The following CCDC39 variants were observed in gnomAD, a reference collection of about 807,000 sequenced individuals.
CCDC39 encodes the protein coiled-coil domain 39 molecular ruler complex subunit, also known as coiled-coil domain-containing protein 39.
A neutral mutation model predicts 121.0 loss-of-function variants in CCDC39; 113 were observed. The observed-to-expected ratio is 0.93, with a 90% CI of 0.80 to 1.09. The LOEUF (loss-of-function observed/expected upper bound fraction) is 1.09. CCDC39 is among the 50% of genes least tolerant of loss of function. The probability of loss-of-function intolerance (pLI) is 0.00; values close to 1 mark genes in which losing one functional copy is unlikely to be tolerated. For missense variants in CCDC39, 1,063 were observed against 1,074.7 expected (o/e 0.99, Z 0.15); for synonymous variants, 349 against 352.2 (o/e 0.99, Z 0.10).
chr3:180,618,643 T>C (rs1235465030), intron 16 of CCDC39, among the ~76,000 whole-genome samples: 2 of 151,804 alleles, frequency 1.3e-5, no homozygotes, highest in Non-Finnish European at 2.9e-5. Context: ...CACCTACGAG[T>C]GAGAATATGA....
intron 13 of CCDC39, among the ~76,000 whole-genome samples, chr3:180,635,048 G>T (rs1442045247): frequency 6.6e-6 from 1 of 152,170 alleles, no homozygotes; most frequent in Non-Finnish European, 1.5e-5. Flanking sequence ...AGTTCCACAT[G>T]TCTGGGGAGG....
At chr3:180,619,783 G>A (rs769849329) in intron 15 of CCDC39, 28 bp downstream of exon 15, 7 of 1,375,368 alleles carry the variant, frequency 5.1e-6, no homozygotes, top group Non-Finnish European at 7.0e-6. Context: ...CTGTATATAT[G>A]TATAAAAAAA....
chr3:180,617,445 C>A, intron 16 of CCDC39: 1 of 685,206 alleles, frequency 1.5e-6, no homozygotes, highest in Non-Finnish European at 2.7e-6. Context: ...AGGAGATATT[C>A]CAGAAGAGGG....
Position 180,644,265 on chromosome 3 carries a change from AAAG to A in CCDC39, c.1528-11_1528-9del. 1 of 1,486,450 alleles carries A rather than the reference AAAG, an allele frequency of 6.7e-7. No homozygotes were observed. Among genetic ancestry groups the A allele is most frequent in the South Asian group, 1.3e-5 (1 of 76,244 alleles). The allele number at this position is 1,486,450 out of a possible 1,614,324, so 92.1% of individuals were successfully genotyped here. On this transcript the variant is annotated splice_polypyrimidine_tract_variant and intron_variant, in intron 11 of 19. Coordinates refer to ENST00000476379, the MANE Select transcript of CCDC39 (RefSeq NM_181426.2). ...GATAAAATAAAGATCATTCTGCAAA[AAAG>A]AAAAAAGGTATATAAATGTATGTTT...
intron 1 of CCDC39, among the ~76,000 whole-genome samples, chr3:180,676,302 AAAAC>A (rs1456433126): frequency 2.0e-5 from 3 of 152,234 alleles, no homozygotes; most frequent in Non-Finnish European, 4.4e-5. Flanking sequence ...TTACAAGAGA[AAAAC>A]AAACAACCCC....
intron 13 of CCDC39, among the ~76,000 whole-genome samples, chr3:180,632,580 A>C (rs572938158): frequency 3.3e-5 from 5 of 152,202 alleles, no homozygotes; most frequent in Non-Finnish European, 7.3e-5. Context: ...GCTGGACTTC[A>C]AGATTGTGGA....
intron 14 of CCDC39, among the ~76,000 whole-genome samples, chr3:180,629,590 A>G (rs1251355550): frequency 6.6e-6 from 1 of 152,144 alleles, no homozygotes; most frequent in Non-Finnish European, 1.5e-5. Flanking sequence ...TCAGGCCATA[A>G]TTTTTCCTGA....
chr3:180,661,279 A>G (rs993180676), intron 3 of CCDC39, among the ~76,000 whole-genome samples: 2 of 152,054 alleles, frequency 1.3e-5, no homozygotes, highest in African/African-American at 4.8e-5. Context: ...AAAAAAACAG[A>G]GACAACTATA....
rs1343761577 is a variant in CCDC39, at chr3:180,659,781, T to G, written c.517-12A>C. 1 of 1,534,414 alleles carries G rather than the reference T, an allele frequency of 6.5e-7. No individual in the cohort carries two copies. The highest frequency in any genetic ancestry group is 9.0e-7 in the Non-Finnish European group (1 of 1,116,176). ...TGCAGAGTCAGTGCCTATGATGTAATTATATACAGATACTTATAATTCTCA... is the reference window on the plus strand; with the variant it reads ...TGCAGAGTCAGTGCCTATGATGTAAGTATATACAGATACTTATAATTCTCA... On this transcript the variant is annotated splice_polypyrimidine_tract_variant and intron_variant, in intron 4 of 19. Coordinates refer to ENST00000476379, the MANE Select transcript of CCDC39 (RefSeq NM_181426.2).
In CCDC39 at chr3:180,616,780, T is replaced by C. The variant is rs369901855; in HGVS notation, c.2406+46A>G. 1.1e-5 allele frequency: 18 copies of C among 1,590,976 alleles called. No individual in the cohort carries two copies. In the African/African-American group the frequency reaches 2.0e-4, roughly 18 times the overall value. On this transcript the variant is annotated intron_variant, in intron 17 of 19. Coordinates refer to ENST00000476379, the MANE Select transcript of CCDC39 (RefSeq NM_181426.2). ...AATAGATGAAGGAGGATTTGGGACT[T>C]CAAAAATGTAAATATGAAAGGTCAG...
chr3:180,665,579 T>A (rs1711854185), intron 1 of CCDC39, among the ~76,000 whole-genome samples: 1 of 152,078 alleles, frequency 6.6e-6, no homozygotes, highest in South Asian at 2.1e-4. Context: ...CTGTTCTTTT[T>A]TTAAAAAGTT....
At chr3:180,661,027 A>T (rs1219838902) in intron 3 of CCDC39, among the ~76,000 whole-genome samples, 1 of 152,006 alleles carries the variant, frequency 6.6e-6, no homozygotes, top group African/African-American at 2.4e-5. Context: ...CCCTCACAGC[A>T]ACTGCATTAA....
intron 1 of CCDC39, among the ~76,000 whole-genome samples, chr3:180,671,210 C>CAAAAA (rs67323828): frequency 1.3e-5 from 1 of 78,388 alleles, no homozygotes; most frequent in Non-Finnish European, 2.7e-5. Context: ...GACTCTGTGT[C>CAAAAA]AAAAAAAAAA....
chr3:180,618,639 C>T (rs896209771), intron 16 of CCDC39, among the ~76,000 whole-genome samples: 4 of 151,940 alleles, frequency 2.6e-5, no homozygotes, highest in African/African-American at 7.2e-5. Context: ...TTCCCACCTA[C>T]GAGTGAGAAT....
chr3:180,638,705 A>G (rs1392052833), intron 13 of CCDC39, among the ~76,000 whole-genome samples: 2 of 152,114 alleles, frequency 1.3e-5, no homozygotes. Context: ...TAGGAAGGGG[A>G]AAATAATAGA....
intron 12 of CCDC39, among the ~76,000 whole-genome samples, chr3:180,643,320 C>A (rs755545861): frequency 1.3e-5 from 2 of 150,176 alleles, no homozygotes; most frequent in Non-Finnish European, 3.0e-5. Context: ...AACTTCCCAG[C>A]GGAAAAAAAA....
chr3:180,669,545 T>C (rs1485231965), intron 1 of CCDC39, among the ~76,000 whole-genome samples: 1 of 152,142 alleles, frequency 6.6e-6, no homozygotes. Flanking sequence ...AGCATTTCTA[T>C]AACCCCAGAA....
In CCDC39 at chr3:180,679,396, G is replaced by C. The variant is rs922595269; in HGVS notation, c.-16C>G. The C allele has an allele frequency of 1.2e-6, 2 of 1,610,460 alleles. No individual in the cohort carries two copies. Among genetic ancestry groups the C allele is most frequent in the Middle Eastern group, 3.3e-4 (2 of 6,040 alleles). On this transcript the variant is annotated 5_prime_UTR_variant, in exon 1 of 20. Transcript: ENST00000476379. The surrounding 1 kb of genome is among the most constrained non-coding windows in gnomAD (Gnocchi z 4.0). The stretch of plus-strand genomic sequence containing the variant: ...CGCTACTCATGACTGCAAACGGATA[G>C]AGAAGATACAGAGCAAAGATCCGCC...
chr3:180,651,405 A>C lies in CCDC39; in HGVS notation c.1163T>G (p.Val388Gly). The C allele has an allele frequency of 6.4e-7, 1 of 1,554,558 alleles. No homozygotes were observed. The highest frequency in any genetic ancestry group is 1.2e-5 in the South Asian group (1 of 83,170). The stretch of plus-strand genomic sequence containing the variant: ...AAAATTAAAACTAAACTTTACCTTC[A>C]CATCTTTTTCCTCCTCCTTTAGCAT... ...EDMLKEEEKD[V>G]KEVDVQLNLI... Residue 388 changes from valine (V) to glycine (G), a missense_variant, in exon 9 of 20, where the codon GTG becomes GGG. Physicochemically the swap from Val to Gly is moderately radical, Grantham distance 109. Coordinates refer to ENST00000476379, the MANE Select transcript of CCDC39 (RefSeq NM_181426.2).
Sources: allele counts gnomAD v4.1 joint callset (sites outside exome capture counted in the v4.1 genomes callset), GRCh38; gene constraint gnomAD v4.1.1; non-coding constraint Gnocchi (gnomAD v3.1); transcripts MANE v1.5; gene names NCBI Gene and HGNC (gene_info 2026-07-23, HGNC 2026-07-21).